RALGAPA2: variants seen among roughly 807,000 people sequenced by gnomAD.
The protein encoded by RALGAPA2 is Ral GTPase activating protein catalytic subunit alpha 2.
RALGAPA2 carries 139 observed loss-of-function variants against 230.4 expected under a neutral mutation model. The ratio of observed to expected loss-of-function variants is 0.60; its 90% CI spans 0.53 to 0.69. The LOEUF (loss-of-function observed/expected upper bound fraction) is 0.69, where lower values mean the gene tolerates loss of function less well. Ranked by LOEUF, RALGAPA2 falls within the 30% of genes least tolerant of loss-of-function variation. The probability of loss-of-function intolerance (pLI) is 0.00; values close to 1 mark genes in which losing one functional copy is unlikely to be tolerated. For missense variants in RALGAPA2, 2,163 were observed against 2,276.0 expected (o/e 0.95, Z 1.01); for synonymous variants, 847 against 837.8 (o/e 1.01, Z -0.19).
chr20:20,498,510 A>C (rs972340770), intron 35 of RALGAPA2, among the ~76,000 whole-genome samples: 1 of 152,150 alleles, frequency 6.6e-6, no homozygotes, highest in African/African-American at 2.4e-5. Context: ...TCCTTTCTCG[A>C]CTAATTGCAT....
At chr20:20,447,943 C>T (rs180696290) in intron 37 of RALGAPA2, among the ~76,000 whole-genome samples, 1 of 152,298 alleles carries the variant, frequency 6.6e-6, no homozygotes, top group East Asian at 1.9e-4. Flanking sequence ...CATCATTCTG[C>T]CTTCCTTGTG....
chr20:20,401,782 A>G (rs752260986), intron 38 of RALGAPA2, among the ~76,000 whole-genome samples: 32 of 152,332 alleles, frequency 2.1e-4, no homozygotes, highest in Admixed American at 5.9e-4. Flanking sequence ...TCTTGTCCCC[A>G]GAAAGGAATT....
chr20:20,504,897 C>T lies in RALGAPA2; in HGVS notation c.5052+514G>A, dbSNP rs184816631. ...GTATATATGTCTGTATGTCAGAGTA[C>T]CATTTAATAAAGAAAAAATAAACTT... On this transcript the variant is annotated intron_variant, in intron 34 of 39. Coordinates refer to ENST00000202677, the MANE Select transcript of RALGAPA2 (RefSeq NM_020343.4). 6 of 726,454 alleles carry T rather than the reference C, an allele frequency of 8.3e-6. No individual in the cohort carries two copies. In the African/African-American group the frequency reaches 9.7e-5, roughly 12 times the overall value. 45.0% of individuals were successfully genotyped at this position (726,454 alleles called of 1,614,324 possible).
At chr20:20,687,511 C>T (rs148562873) in intron 1 of RALGAPA2, among the ~76,000 whole-genome samples, 1,678 of 151,844 alleles carry the variant, frequency 0.011, 43 homozygotes, top group African/African-American at 0.039. Context: ...CTGGGAGAGC[C>T]GCAAGTAGTT....
chr20:20,711,517 T>C (rs2069867365), intron 1 of RALGAPA2, among the ~76,000 whole-genome samples: 2 of 152,130 alleles, frequency 1.3e-5, no homozygotes, highest in South Asian at 4.1e-4. Flanking sequence ...GCGAACCAGC[T>C]ACAGATCACA....
intron 12 of RALGAPA2, among the ~76,000 whole-genome samples, chr20:20,616,413 C>T (rs1358883780): frequency 6.6e-6 from 1 of 151,854 alleles, no homozygotes; most frequent in African/African-American, 2.4e-5. Flanking sequence ...AAAGCCTTTC[C>T]CTAGGGGAAA....
intron 39 of RALGAPA2, among the ~76,000 whole-genome samples, chr20:20,394,513 A>G (rs1373444791): frequency 1.3e-5 from 2 of 152,086 alleles, no homozygotes; most frequent in East Asian, 1.9e-4. Flanking sequence ...GGTGGTGCGC[A>G]CCTGTAGTCC....
chr20:20,420,248 C>T (rs2060249554), intron 37 of RALGAPA2, among the ~76,000 whole-genome samples: 1 of 152,070 alleles, frequency 6.6e-6, no homozygotes, highest in Non-Finnish European at 1.5e-5. Context: ...GCACAGGAGG[C>T]CCGAATGGCT....
chr20:20,563,980 A>G (rs2064335927), intron 23 of RALGAPA2, among the ~76,000 whole-genome samples: 1 of 152,038 alleles, frequency 6.6e-6, no homozygotes, highest in Non-Finnish European at 1.5e-5. Flanking sequence ...CTGGGCTATT[A>G]TAATAATTTC....
intron 12 of RALGAPA2, among the ~76,000 whole-genome samples, 164 bp downstream of exon 12, chr20:20,619,113 A>T (rs1240378451): frequency 6.6e-6 from 1 of 152,254 alleles, no homozygotes; most frequent in Non-Finnish European, 1.5e-5. Context: ...AAGAAAACTC[A>T]GAATGAGAAT....
chr20:20,567,115 A>T (rs1297457845), intron 23 of RALGAPA2, among the ~76,000 whole-genome samples: 1 of 152,234 alleles, frequency 6.6e-6, no homozygotes, highest in African/African-American at 2.4e-5. Flanking sequence ...AGTCATTGTT[A>T]AAAAATAGCT....
At chr20:20,650,328 A>C (rs1485098000) in intron 4 of RALGAPA2, among the ~76,000 whole-genome samples, 1 of 152,212 alleles carries the variant, frequency 6.6e-6, no homozygotes, top group Non-Finnish European at 1.5e-5. Flanking sequence ...ACAGACTTCA[A>C]GCACTGTGGT....
Position 20,610,068 on chromosome 20 carries a change from T to C in RALGAPA2, c.1800+1247A>G, listed in dbSNP as rs893282844. Among the ~76,000 whole-genome samples, 26 of 152,228 alleles carry C rather than the reference T, an allele frequency of 1.7e-4. 1 individual carries two copies. Among genetic ancestry groups the C allele is most frequent in the Admixed American group, 1.2e-3 (19 of 15,288 alleles). ...TTAGCTTTAAAGAAATAATTTCTCC[T>C]TTTGTCACTTTTACCTACATGTCCT... is the stretch of plus-strand genomic sequence containing the variant. On this transcript the variant is annotated intron_variant, in intron 14 of 39. Coordinates refer to ENST00000202677, the MANE Select transcript of RALGAPA2 (RefSeq NM_020343.4).
At chr20:20,683,198 G>A (rs2068583072) in intron 1 of RALGAPA2, among the ~76,000 whole-genome samples, 2 of 152,150 alleles carry the variant, frequency 1.3e-5, no homozygotes, top group African/African-American at 2.4e-5. Context: ...GACTGCTTCT[G>A]CTCTCCACGG....
chr20:20,559,392 C>A (rs6082047), intron 23 of RALGAPA2, among the ~76,000 whole-genome samples: 12,798 of 152,040 alleles, frequency 0.084, 779 homozygotes, highest in African/African-American at 0.16. Flanking sequence ...ACAATCCCAA[C>A]GGAAGCCAGC....
chr20:20,553,221 C>T (rs2063979167), intron 23 of RALGAPA2, among the ~76,000 whole-genome samples: 1 of 152,152 alleles, frequency 6.6e-6, no homozygotes, highest in South Asian at 2.1e-4. Context: ...AGAAATATTA[C>T]AGGACAGAGT....
chr20:20,649,543 T>C (rs1421408535), intron 4 of RALGAPA2, among the ~76,000 whole-genome samples: 1 of 152,190 alleles, frequency 6.6e-6, no homozygotes, highest in African/African-American at 2.4e-5. Context: ...AAAAAACATA[T>C]GAGGTATTGC....
Position 20,619,419 on chromosome 20 carries a change from A to G in RALGAPA2, c.1402-5T>C, listed in dbSNP as rs751282693. The G allele has an allele frequency of 1.3e-6, 2 of 1,593,260 alleles. No homozygotes were observed. The highest frequency in any genetic ancestry group is 1.7e-6 in the Non-Finnish European group (2 of 1,167,544). ...ACCAGAACTTTCAGATGAGGCCTTCAGAAGATAATGATCCATTAACAGAGT... is the reference window on the plus strand; with the variant it reads ...ACCAGAACTTTCAGATGAGGCCTTCGGAAGATAATGATCCATTAACAGAGT... On this transcript the variant is annotated splice_polypyrimidine_tract_variant and splice_region_variant and intron_variant, in intron 11 of 39. Coordinates refer to ENST00000202677, the MANE Select transcript of RALGAPA2 (RefSeq NM_020343.4).
At chr20:20,505,683 C>A in intron 33 of RALGAPA2, 149 bp from the exon 34 acceptor site, 1 of 631,146 alleles carries the variant, frequency 1.6e-6, no homozygotes, top group Non-Finnish European at 2.6e-6. Context: ...GATGGTCTGA[C>A]ACATAGTCTC....
Sources: allele counts gnomAD v4.1 joint callset (sites outside exome capture counted in the v4.1 genomes callset), GRCh38; gene constraint gnomAD v4.1.1; transcripts MANE v1.5; gene names NCBI Gene and HGNC (gene_info 2026-07-23, HGNC 2026-07-21).